The following ANKRD27 variants were observed in gnomAD, a reference collection of about 807,000 sequenced individuals.
ANKRD27 encodes ankyrin repeat domain 27.
In ANKRD27, 112 loss-of-function variants were observed where a neutral mutation model predicts 129.7. That is an observed-to-expected ratio of 0.86 (90% CI 0.74 to 1.01). The LOEUF (loss-of-function observed/expected upper bound fraction) is 1.01, where lower values mean the gene tolerates loss of function less well. ANKRD27 is among the 50% of genes least tolerant of loss of function. The probability of loss-of-function intolerance (pLI) is 0.00; values close to 1 mark genes in which losing one functional copy is unlikely to be tolerated. For missense variants in ANKRD27, 1,258 were observed against 1,300.5 expected (o/e 0.97, Z 0.50); for synonymous variants, 516 against 511.2 (o/e 1.01, Z -0.13).
chr19:32,612,412 C>T (rs1418086899), intron 22 of ANKRD27, among the ~76,000 whole-genome samples: 5 of 151,932 alleles, frequency 3.3e-5, no homozygotes, highest in African/African-American at 1.2e-4. Context: ...AGTCTGGGTA[C>T]TATAAGAGTG....
At chr19:32,666,927 G>A (rs1158051936) in intron 1 of ANKRD27, among the ~76,000 whole-genome samples, 3 of 152,088 alleles carry the variant, frequency 2.0e-5, no homozygotes, top group South Asian at 4.1e-4. Flanking sequence ...GATTACAGGC[G>A]TGAGCCACCA....
chr19:32,623,551 G>GTTT (rs575591637), intron 17 of ANKRD27, among the ~76,000 whole-genome samples: 2 of 135,700 alleles, frequency 1.5e-5, no homozygotes, highest in Non-Finnish European at 3.2e-5. Context: ...GAGACCTGTT[G>GTTT]TTTTTTTTTT....
chr19:32,608,280 A>G lies in ANKRD27; in HGVS notation c.2176-448T>C, dbSNP rs1348598460. On this transcript the variant is annotated intron_variant, in intron 22 of 28. Transcript: ENST00000306065. ...CCCACCTCAGCCTCCCAAAGTGCTGAGACTGCAGATGTATGCCACTGTACC... is the reference window on the plus strand; with the variant it reads ...CCCACCTCAGCCTCCCAAAGTGCTGGGACTGCAGATGTATGCCACTGTACC... The G allele has an allele frequency of 1.6e-5, 4 of 244,052 alleles. No individual in the cohort carries two copies. The Admixed American group carries it at 2.3e-4, about 14-fold the overall frequency. The allele number at this position is 244,052 out of a possible 1,614,324, so 15.1% of individuals were successfully genotyped here. A position where few individuals can be genotyped will look rare whatever the true frequency, so the allele number is the denominator to read the frequency against.
chr19:32,615,941 C>T (rs1347030824), intron 21 of ANKRD27, among the ~76,000 whole-genome samples, 161 bp from the exon 22 acceptor site: 1 of 152,208 alleles, frequency 6.6e-6, no homozygotes, highest in East Asian at 1.9e-4. Context: ...TGAAGCCTTC[C>T]TCAGTCCTTC....
At chr19:32,632,577 T>C (rs1599753625) in intron 12 of ANKRD27, among the ~76,000 whole-genome samples, 1 of 82,472 alleles carries the variant, frequency 1.2e-5, no homozygotes, top group African/African-American at 5.6e-5. Flanking sequence ...AGAGCAAGAC[T>C]CCATCTCAAA....
In ANKRD27 at chr19:32,626,708, T is replaced by C; in HGVS notation, c.1536+4A>G. On this transcript the variant is annotated splice_donor_region_variant and intron_variant, in intron 16 of 28. Transcript: ENST00000306065. ...CAGCCCGCCACAAAGGCACCACTGC[T>C]CACCGTCACGCTCTGGTAGCCCTTC... is the stretch of plus-strand genomic sequence containing the variant. The C allele has an allele frequency of 6.3e-7, 1 of 1,598,136 alleles. No homozygotes were observed. The highest frequency in any genetic ancestry group is 2.3e-5 in the East Asian group (1 of 44,038).
intron 16 of ANKRD27, 101 bp from the exon 17 acceptor site, chr19:32,626,067 T>C (rs1369529942): frequency 7.4e-6 from 6 of 815,694 alleles, no homozygotes; most frequent in Non-Finnish European, 1.1e-5. Context: ...CCATCTTCGA[T>C]CTTATTTATG....
In ANKRD27 at chr19:32,600,051, C is replaced by T. The variant is rs1169653472; in HGVS notation, c.2768-1G>A. 2 of 1,606,758 alleles carry T rather than the reference C, an allele frequency of 1.2e-6. No individual in the cohort carries two copies. The highest frequency in any genetic ancestry group is 2.7e-5 in the African/African-American group (2 of 74,732). On this transcript the variant is annotated splice_acceptor_variant, in intron 26 of 28. Transcript: ENST00000306065. LOFTEE classifies it high-confidence loss of function. ...GGTAGATCATACAGTTTTGAGTTCC[C>T]TGTAGATAAAAAGATAAACATCTAA...
intron 1 of ANKRD27, among the ~76,000 whole-genome samples, chr19:32,670,063 T>G (rs1967838897): frequency 6.8e-6 from 1 of 147,290 alleles, no homozygotes; most frequent in South Asian, 2.2e-4. Flanking sequence ...GATGGGAAAG[T>G]AGTAAGACTC....
rs546958028 is a variant in ANKRD27, at chr19:32,639,361, G to T, written c.1111C>A (p.Pro371Thr). ...GGGCAGGGGTGAGATCTTACAGGGG[G>T]TTTAGCAGAGAGGCTTCCTTGCCGA... ...YIRQGSLSAK[P>T]PESEGFGDRL... Residue 371 changes from proline (P) to threonine (T), a missense_variant, in exon 12 of 29, where the codon CCC becomes ACC. Coordinates refer to ENST00000306065, the MANE Select transcript of ANKRD27 (RefSeq NM_032139.3). 15 of 1,614,204 alleles carry T rather than the reference G, an allele frequency of 9.3e-6. No homozygotes were observed. The South Asian group carries it at 1.5e-4, about 17-fold the overall frequency.
intron 1 of ANKRD27, among the ~76,000 whole-genome samples, chr19:32,665,667 G>C (rs559700286): frequency 3.3e-5 from 5 of 152,150 alleles, no homozygotes; most frequent in Non-Finnish European, 7.4e-5. Flanking sequence ...CGCTGTGTTA[G>C]CCAGGATGGT....
chr19:32,637,028 G>A (rs1241671362), intron 12 of ANKRD27, among the ~76,000 whole-genome samples: 2 of 152,116 alleles, frequency 1.3e-5, no homozygotes, highest in African/African-American at 2.4e-5. Flanking sequence ...GATTACAGGC[G>A]TGAGCCACCG....
intron 2 of ANKRD27, among the ~76,000 whole-genome samples, chr19:32,650,569 C>A (rs1967393924): frequency 6.6e-6 from 1 of 151,874 alleles, no homozygotes; most frequent in African/African-American, 2.4e-5. Flanking sequence ...TGCCTGTAAT[C>A]CCAGCTACTC....
intron 22 of ANKRD27, among the ~76,000 whole-genome samples, chr19:32,611,906 A>C (rs148492767): frequency 1.9e-3 from 284 of 152,104 alleles, no homozygotes; most frequent in African/African-American, 6.4e-3. Context: ...TTTCTATTTT[A>C]TATTTTTAGT....
intron 12 of ANKRD27, chr19:32,638,251 G>GGACTCAGCCA (rs1164338708): frequency 2.0e-5 from 3 of 152,364 alleles, no homozygotes; most frequent in African/African-American, 7.2e-5. Context: ...AAAAAACCCC[G>GGACTCAGCCA]GACTCAGCCA....
At chr19:32,607,579 A>AG in intron 23 of ANKRD27, 56 bp downstream of exon 23, 1 of 1,570,812 alleles carries the variant, frequency 6.4e-7, no homozygotes, top group Non-Finnish European at 8.6e-7. Flanking sequence ...ACCAAGCACA[A>AG]GGTCCTAGCC....
In ANKRD27 at chr19:32,649,860, C is replaced by T. The variant is rs1018530173; in HGVS notation, c.103-68G>A. 6.8e-6 allele frequency: 7 copies of T among 1,035,874 alleles called. No individual in the cohort carries two copies. In the African/African-American group the frequency reaches 1.1e-4, roughly 16 times the overall value. The allele number at this position is 1,035,874 out of a possible 1,614,324, so 64.2% of individuals were successfully genotyped here. On this transcript the variant is annotated intron_variant, in intron 2 of 28. Transcript: ENST00000306065. ...TTACCACCTCAGCAGAACAAGGTGT[C>T]CCCAAAGGCGCTCCAGCTGGACACA... is the stretch of plus-strand genomic sequence containing the variant.
chr19:32,614,102 G>A (rs1971875958), intron 22 of ANKRD27, among the ~76,000 whole-genome samples: 1 of 151,984 alleles, frequency 6.6e-6, no homozygotes, highest in Admixed American at 6.6e-5. Flanking sequence ...AGAGGTGGGT[G>A]TGGCTGTAAG....
chr19:32,665,436 C>T (rs1026794170), intron 1 of ANKRD27, among the ~76,000 whole-genome samples: 1 of 148,086 alleles, frequency 6.8e-6, no homozygotes, highest in African/African-American at 2.5e-5. Flanking sequence ...ATTACAGGCA[C>T]CCGCCACCAC....
Sources: gnomAD v4.1 joint callset for allele counts (sites outside exome capture counted in the v4.1 genomes callset) on GRCh38, gnomAD v4.1.1 for gene constraint, MANE v1.5 for transcripts, NCBI Gene and HGNC (gene_info 2026-07-23, HGNC 2026-07-21) for gene names.